Variants in CDON observed in about 807,000 individuals in gnomAD.
CDON encodes cell adhesion molecule-related/down-regulated by oncogenes.
A neutral mutation model predicts 120.9 loss-of-function variants in CDON; 73 were observed. That is an observed-to-expected ratio of 0.60 (90% CI 0.50 to 0.73). The LOEUF (loss-of-function observed/expected upper bound fraction) is 0.73, where lower values mean the gene tolerates loss of function less well. CDON is among the 30% of genes least tolerant of loss of function. The probability of loss-of-function intolerance (pLI) is 0.00; values close to 1 mark genes in which losing one functional copy is unlikely to be tolerated. For synonymous variants in CDON, 566 were observed against 573.5 expected (o/e 0.99, Z 0.19); for missense variants, 1,470 against 1,587.3 (o/e 0.93, Z 1.26).
At chr11:126,047,310 T>C (rs1357241477) in intron 1 of CDON, among the ~76,000 whole-genome samples, 2 of 152,178 alleles carry the variant, frequency 1.3e-5, no homozygotes, top group Non-Finnish European at 2.9e-5. Context: ...TGCTTGAACA[T>C]ACAGGAATTT....
chr11:126,044,227 C>T (rs538750911), intron 1 of CDON, among the ~76,000 whole-genome samples: 2 of 152,332 alleles, frequency 1.3e-5, no homozygotes, highest in South Asian at 2.1e-4. Flanking sequence ...ATTATTAATA[C>T]ATAACAAAAA....
intron 1 of CDON, among the ~76,000 whole-genome samples, chr11:126,026,200 C>T (rs1213340399): frequency 6.6e-6 from 1 of 152,186 alleles, no homozygotes; most frequent in Non-Finnish European, 1.5e-5. Context: ...TATATTCTAG[C>T]TATATTGTTT....
Position 125,958,089 on chromosome 11 carries a change from C to T in CDON, c.*2853G>A, listed in dbSNP as rs1030237210. The T allele has an allele frequency of 3.9e-5, 6 of 152,296 alleles. No homozygotes were observed. Among genetic ancestry groups the T allele is most frequent in the Middle Eastern group, 3.4e-3 (1 of 294 alleles). The allele number at this position is 152,296 out of a possible 1,614,324, so 9.4% of individuals were successfully genotyped here. A position where few individuals can be genotyped will look rare whatever the true frequency, so the allele number is the denominator to read the frequency against. ...GAAGTCATAAGCAGAGCTCTGCCCGCGGAGGCCAGAGAGCAGCTTCTCTGG... is the reference window on the plus strand; with the variant it reads ...GAAGTCATAAGCAGAGCTCTGCCCGTGGAGGCCAGAGAGCAGCTTCTCTGG... On this transcript the variant is annotated 3_prime_UTR_variant, in exon 20 of 20. Transcript: ENST00000531738.
chr11:125,965,470 G>T lies in CDON; in HGVS notation c.3357-3472C>A, dbSNP rs182008594. Among the ~76,000 whole-genome samples, 694 of 152,262 alleles carry T rather than the reference G, an allele frequency of 4.6e-3. 16 individuals are homozygous for T. Among genetic ancestry groups the T allele is most frequent in the Admixed American group, 0.039 (594 of 15,300 alleles). On this transcript the variant is annotated intron_variant, in intron 18 of 19. Transcript: ENST00000531738. ...CTTCTGGAGGCATCTGCTCGATTCAGTGCAGGAGGAAACAAGGTGTCAAGA... is the reference window on the plus strand; with the variant it reads ...CTTCTGGAGGCATCTGCTCGATTCATTGCAGGAGGAAACAAGGTGTCAAGA...
At chr11:126,052,680 G>T (rs1057362555) in intron 1 of CDON, among the ~76,000 whole-genome samples, 2 of 152,156 alleles carry the variant, frequency 1.3e-5, no homozygotes, top group Non-Finnish European at 2.9e-5. Flanking sequence ...AAAATTAGCC[G>T]GGCATGGTGG....
chr11:126,055,796 C>G (rs1490526960), intron 1 of CDON, among the ~76,000 whole-genome samples: 1 of 152,030 alleles, frequency 6.6e-6, no homozygotes. Flanking sequence ...ATTTCTGATA[C>G]CAATACACTT....
At chr11:125,981,963 CTATTTTCTTTTTT>C (rs1419907345) in intron 16 of CDON, among the ~76,000 whole-genome samples, 23 of 34,144 alleles carry the variant, frequency 6.7e-4, no homozygotes, top group East Asian at 3.4e-3. Context: ...AAAAGTGATT[CTATTTTCTTTTTT>C]TTTTTTTTTT....
chr11:125,962,243 C>G (rs1277407992), intron 18 of CDON, among the ~76,000 whole-genome samples: 1 of 152,112 alleles, frequency 6.6e-6, no homozygotes, highest in Non-Finnish European at 1.5e-5. Context: ...ATTCAATGTC[C>G]CAGCACACAG....
chr11:125,979,001 A>G (rs1446555403), intron 17 of CDON, among the ~76,000 whole-genome samples: 1 of 152,240 alleles, frequency 6.6e-6, no homozygotes, highest in African/African-American at 2.4e-5. Flanking sequence ...CCAGCAATTA[A>G]GAAAAATGCC....
Position 125,963,808 on chromosome 11 carries a change from C to CA in CDON, c.3357-1811dup, listed in dbSNP as rs531485309. Among the ~76,000 whole-genome samples the CA allele has an allele frequency of 1.7e-3, 255 of 152,114 alleles. 1 individual carries two copies. Among genetic ancestry groups the CA allele is most frequent in the Admixed American group, 4.1e-3 (62 of 15,290 alleles). On this transcript the variant is annotated intron_variant, in intron 18 of 19. Transcript: ENST00000531738. ...CTGATTTTAATGTTTAATTCTATAG[C>CA]AAAAAAATGCCTGATTTAGATGTAA...
At chr11:125,988,353 C>T (rs938612363) in intron 15 of CDON, among the ~76,000 whole-genome samples, 16 of 152,194 alleles carry the variant, frequency 1.1e-4, no homozygotes, top group African/African-American at 3.4e-4. Context: ...GGGAACATGA[C>T]GAACAGGAAA....
intron 18 of CDON, among the ~76,000 whole-genome samples, chr11:125,975,509 A>G (rs2134414723): frequency 6.6e-6 from 1 of 152,344 alleles, no homozygotes. Context: ...ATATAAACTC[A>G]GTCCAGTTGT....
At chr11:126,026,560 C>T (rs964896074) in intron 1 of CDON, among the ~76,000 whole-genome samples, 1 of 152,200 alleles carries the variant, frequency 6.6e-6, no homozygotes, top group Non-Finnish European at 1.5e-5. Context: ...CCAGAATCTG[C>T]TCACCTTCTC....
At chr11:125,972,624 G>A (rs1049504136) in intron 18 of CDON, among the ~76,000 whole-genome samples, 6 of 152,036 alleles carry the variant, frequency 3.9e-5, no homozygotes, top group African/African-American at 1.4e-4. Flanking sequence ...TAGAGGCAAC[G>A]TTTTCCCTCC....
chr11:126,052,423 G>A (rs955976473), intron 1 of CDON, among the ~76,000 whole-genome samples: 3 of 152,158 alleles, frequency 2.0e-5, no homozygotes, highest in African/African-American at 4.8e-5. Context: ...AATATGACTT[G>A]AAAATATGTT....
intron 18 of CDON, among the ~76,000 whole-genome samples, chr11:125,964,850 G>T (rs1457607297): frequency 6.6e-6 from 1 of 152,190 alleles, no homozygotes; most frequent in Non-Finnish European, 1.5e-5. Flanking sequence ...GAGGAAGAAG[G>T]ACTCTAATAT....
chr11:126,021,748 G>C (rs951507296), intron 2 of CDON, among the ~76,000 whole-genome samples: 1 of 152,006 alleles, frequency 6.6e-6, no homozygotes, highest in Non-Finnish European at 1.5e-5. Flanking sequence ...AACAATTAGG[G>C]TACAAAAGAC....
intron 15 of CDON, among the ~76,000 whole-genome samples, chr11:125,985,843 T>C (rs758729778): frequency 1.3e-5 from 2 of 151,546 alleles, no homozygotes; most frequent in East Asian, 3.9e-4. Flanking sequence ...TGTGGAGAAA[T>C]AGGAATGCTT....
At chr11:126,036,914 C>G (rs1948113351) in intron 1 of CDON, among the ~76,000 whole-genome samples, 1 of 152,202 alleles carries the variant, frequency 6.6e-6, no homozygotes, top group East Asian at 1.9e-4. Context: ...TCTCAAACTC[C>G]TGGCCTCAAT....
Sources: gnomAD v4.1 joint callset for allele counts (sites outside exome capture counted in the v4.1 genomes callset) on GRCh38, gnomAD v4.1.1 for gene constraint, MANE v1.5 for transcripts, NCBI Gene and HGNC (gene_info 2026-07-23, HGNC 2026-07-21) for gene names.